The following ITSN2 variants were observed in gnomAD, a reference collection of about 807,000 sequenced individuals.
ITSN2 encodes the protein intersectin 2, also known as intersectin-2.
A neutral mutation model predicts 243.7 loss-of-function variants in ITSN2; 156 were observed. The ratio of observed to expected loss-of-function variants is 0.64; its 90% CI spans 0.56 to 0.73. ITSN2 has a LOEUF of 0.73. Ranked by LOEUF, ITSN2 falls within the 30% of genes least tolerant of loss-of-function variation. The pLI is 0.00. For synonymous variants in ITSN2, 703 were observed against 699.9 expected (o/e 1.00, Z -0.07); for missense variants, 1,801 against 1,996.1 (o/e 0.90, Z 1.86).
chr2:24,251,835 A>T (rs1674368314), intron 25 of ITSN2, among the ~76,000 whole-genome samples: 1 of 152,004 alleles, frequency 6.6e-6, no homozygotes, highest in Non-Finnish European at 1.5e-5. Context: ...CATTAGCTAT[A>T]CTGAACATAC....
chr2:24,251,754 A>C (rs1674329051), intron 25 of ITSN2, among the ~76,000 whole-genome samples: 1 of 151,262 alleles, frequency 6.6e-6, no homozygotes, highest in Non-Finnish European at 1.5e-5. Context: ...CATGTAATGG[A>C]TTTAATTATT....
intron 15 of ITSN2, 153 bp downstream of exon 15, chr2:24,293,535 G>A (rs1343975489): frequency 9.8e-6 from 4 of 406,932 alleles, no homozygotes; most frequent in Non-Finnish European, 1.8e-5. Flanking sequence ...TAACATCTGG[G>A]ATATTTTTCA....
chr2:24,258,301 CCATT>C (rs1484256329), intron 22 of ITSN2, among the ~76,000 whole-genome samples: 1 of 152,146 alleles, frequency 6.6e-6, no homozygotes, highest in Non-Finnish European at 1.5e-5. Context: ...TGAAAACCCA[CCATT>C]CAAAGAAACC....
intron 1 of ITSN2, among the ~76,000 whole-genome samples, chr2:24,359,537 A>C (rs911364082): frequency 6.6e-6 from 1 of 152,244 alleles, no homozygotes; most frequent in African/African-American, 2.4e-5. Flanking sequence ...GCGCATAATT[A>C]ATAAATCCAA....
At position 24,205,204 on chromosome 2, in the gene ITSN2, C is replaced by T. The variant is rs1668741703; in HGVS notation, c.4762+10G>A. 2 of 1,610,596 alleles carry T rather than the reference C, an allele frequency of 1.2e-6. No individual in the cohort carries two copies. Among genetic ancestry groups the T allele is most frequent in the Non-Finnish European group, 1.7e-6 (2 of 1,176,944 alleles). On this transcript the variant is annotated intron_variant, in intron 38 of 39. Coordinates refer to ENST00000355123, the MANE Select transcript of ITSN2 (RefSeq NM_006277.3). ...GTTATGTCTGCTGAATGAATCAAGG[C>T]AGTATTTACCATTTGGTTTGCAGGC...
intron 20 of ITSN2, among the ~76,000 whole-genome samples, chr2:24,265,969 T>C (rs1435598391): frequency 6.6e-6 from 1 of 152,192 alleles, no homozygotes; most frequent in Non-Finnish European, 1.5e-5. Flanking sequence ...CTTGTGTGCT[T>C]TGTCATCTAC....
chr2:24,350,400 TGG>T (rs1216340655), intron 1 of ITSN2, among the ~76,000 whole-genome samples: 2 of 152,248 alleles, frequency 1.3e-5, no homozygotes, highest in African/African-American at 4.8e-5. Context: ...TCAACTGCTT[TGG>T]AAAACAATTC....
chr2:24,217,583 G>A (rs547740149), intron 31 of ITSN2, among the ~76,000 whole-genome samples: 3 of 152,300 alleles, frequency 2.0e-5, no homozygotes, highest in East Asian at 3.9e-4. Context: ...TTTTATCTGC[G>A]CCGTGAGCTG....
At chr2:24,329,395 G>A (rs1431463442) in intron 1 of ITSN2, among the ~76,000 whole-genome samples, 4 of 152,124 alleles carry the variant, frequency 2.6e-5, no homozygotes. Flanking sequence ...GAGTAGCTGG[G>A]TCTACAGGCG....
rs780378498 is a variant in ITSN2 at position 24,346,162 on chromosome 2, A to T, written c.-34+14142T>A. ...CTACGTAGAGTATAGCACAGAAAGG[A>T]GGGTGGGGGATTAACTGTAGAGAGG... On this transcript the variant is annotated intron_variant, in intron 1 of 39. Transcript: ENST00000355123. 3.3e-5 allele frequency among the ~76,000 whole-genome samples: 5 copies of T among 152,144 alleles called. No homozygotes were observed. The South Asian group carries it at 6.2e-4, about 19-fold the overall frequency.
At chr2:24,259,808 T>A (rs1378783938) in intron 22 of ITSN2, among the ~76,000 whole-genome samples, 1 of 152,230 alleles carries the variant, frequency 6.6e-6, no homozygotes, top group African/African-American at 2.4e-5. Flanking sequence ...CTCTTCTATA[T>A]ATACCCCCTA....
Position 24,310,730 on chromosome 2 carries a change from A to C in ITSN2, c.353-38T>G. 3 of 1,559,890 alleles carry C rather than the reference A, an allele frequency of 1.9e-6. 1 individual carries two copies. The highest frequency in any genetic ancestry group is 2.6e-6 in the Non-Finnish European group (3 of 1,136,800). On this transcript the variant is annotated intron_variant, in intron 5 of 39. Transcript: ENST00000355123. ...GAAAACATTTTTTCCAGTGCTAGAA[A>C]ATCAATTATAAAACACATGCAAAAA...
chr2:24,312,384 A>T lies in ITSN2; in HGVS notation c.189-9T>A, dbSNP rs1038335244. ...TTAGGTCTGATAAAGCCCTAAAAGG[A>T]GCATGAGGTAGGTAGATTGCTATGT... On this transcript the variant is annotated splice_polypyrimidine_tract_variant and intron_variant, in intron 4 of 39. Coordinates refer to ENST00000355123, the MANE Select transcript of ITSN2 (RefSeq NM_006277.3). The T allele has an allele frequency of 1.3e-6, 2 of 1,594,866 alleles. No homozygotes were observed. The highest frequency in any genetic ancestry group is 1.7e-6 in the Non-Finnish European group (2 of 1,169,228).
chr2:24,335,807 T>C lies in ITSN2; in HGVS notation c.-33-7692A>G, dbSNP rs569126109. 3.3e-5 allele frequency among the ~76,000 whole-genome samples: 5 copies of C among 152,072 alleles called. No individual in the cohort carries two copies. In the South Asian group the frequency reaches 1.0e-3, roughly 32 times the overall value. On this transcript the variant is annotated intron_variant, in intron 1 of 39. Coordinates refer to ENST00000355123, the MANE Select transcript of ITSN2 (RefSeq NM_006277.3). ...TGCCTGCCACCATGCCCAGCTAATT[T>C]TTGTATTTTTAGTAGGGACGGGGTT...
At chr2:24,307,582 A>C (rs1403905973) in intron 8 of ITSN2, among the ~76,000 whole-genome samples, 1 of 152,212 alleles carries the variant, frequency 6.6e-6, no homozygotes, top group Non-Finnish European at 1.5e-5. Context: ...CTTCCACAAG[A>C]GGTAACCACT....
intron 18 of ITSN2, 76 bp downstream of exon 18, chr2:24,275,637 C>T: frequency 8.2e-7 from 1 of 1,218,804 alleles, no homozygotes; most frequent in East Asian, 2.4e-5. Context: ...CTTAAATTTT[C>T]ATAAACTAAA....
intron 1 of ITSN2, among the ~76,000 whole-genome samples, chr2:24,351,877 C>T (rs975007157): frequency 2.0e-5 from 3 of 152,122 alleles, no homozygotes; most frequent in East Asian, 3.9e-4. Context: ...GCTGGCAATT[C>T]GGATATGCCA....
chr2:24,285,616 A>T (rs1679399610), intron 16 of ITSN2, among the ~76,000 whole-genome samples: 2 of 152,226 alleles, frequency 1.3e-5, no homozygotes, highest in Admixed American at 6.5e-5. Context: ...TTTCATAGGT[A>T]TGGCTTCAGT....
intron 15 of ITSN2, among the ~76,000 whole-genome samples, chr2:24,292,999 T>C (rs1376777346): frequency 6.6e-6 from 1 of 152,250 alleles, no homozygotes; most frequent in African/African-American, 2.4e-5. Context: ...CTTTAGTCAG[T>C]TGTAACACAA....
Sources: allele counts gnomAD v4.1 joint callset (sites outside exome capture counted in the v4.1 genomes callset), GRCh38; gene constraint gnomAD v4.1.1; transcripts MANE v1.5; gene names NCBI Gene and HGNC (gene_info 2026-07-23, HGNC 2026-07-21).